The following ETV7 variants were observed in gnomAD, a reference collection of about 807,000 sequenced individuals.
The protein encoded by ETV7 is transcription factor ETV7.
Under a neutral mutation model 39.1 loss-of-function variants are expected in ETV7, and 43 were observed. The ratio of observed to expected loss-of-function variants is 1.10; its 90% CI spans 0.86 to 1.42. ETV7 has a LOEUF of 1.42. ETV7 is among the 40% of genes most tolerant of loss of function. The pLI is 0.00. For synonymous variants in ETV7, 196 were observed against 176.6 expected, an observed-to-expected ratio of 1.11 and a Z score of -0.87; for missense variants, 432 against 442.3, an observed-to-expected ratio of 0.98 and a Z score of 0.21.
Position 36,376,023 on chromosome 6 carries a change from G to A in ETV7, c.155C>T (p.Ala52Val), listed in dbSNP as rs1274558998. The change falls in exon 3 of 8, where the codon GCA becomes GTA. Residue 52 changes from alanine (A) to valine (V), a missense_variant. Physicochemically the swap from Ala to Val is moderately conservative, Grantham distance 64 (BLOSUM62 0). Coordinates refer to ENST00000340181, the MANE Select transcript of ETV7 (RefSeq NM_016135.4). The stretch of plus-strand genomic sequence containing the variant: ...CAGCACGTCCTCCCTGCTCCACAGT[G>A]CGGGCTGGATGCCTGCAACCAGCAA... Reference protein sequence around the residue: ...KLPGRLRIQPALWSREDVLHW... With the variant: ...KLPGRLRIQPVLWSREDVLHW... The A allele has an allele frequency of 2.5e-6, 4 of 1,602,226 alleles. No individual in the cohort carries two copies. The highest frequency in any genetic ancestry group is 1.7e-6 in the Non-Finnish European group (2 of 1,177,192).
intron 7 of ETV7, among the ~76,000 whole-genome samples, chr6:36,360,350 G>A (rs1262859941): frequency 6.6e-6 from 1 of 152,180 alleles, no homozygotes; most frequent in African/African-American, 2.4e-5. Flanking sequence ...GAGATAAGAA[G>A]TTATTCCCAA....
chr6:36,360,952 A>C (rs775266978), intron 7 of ETV7, among the ~76,000 whole-genome samples: 1 of 152,116 alleles, frequency 6.6e-6, no homozygotes, highest in Non-Finnish European at 1.5e-5. Flanking sequence ...TTCTCACGTC[A>C]TCTCTCCCTG....
At position 36,375,990 on chromosome 6, in the gene ETV7, A is replaced by T; in HGVS notation, c.188T>A (p.Leu63Gln). The change falls in exon 3 of 8, where the codon CTG (leucine) becomes CAG (glutamine). Residue 63 changes from leucine (L) to glutamine (Q), a missense_variant. Coordinates refer to ENST00000340181, the MANE Select transcript of ETV7 (RefSeq NM_016135.4). The part of the protein sequence containing the change: ...LWSREDVLHW[L>Q]RWAEQEYSLP... ...AGAGTACTCCTGCTCTGCCCAGCGC[A>T]GCCAGTGCAGCACGTCCTCCCTGCT... The T allele has an allele frequency of 6.2e-7, 1 of 1,610,928 alleles. No homozygotes were observed. The highest frequency in any genetic ancestry group is 1.7e-4 in the Middle Eastern group (1 of 6,058).
intron 2 of ETV7, among the ~76,000 whole-genome samples, chr6:36,377,249 C>G (rs1011605809): frequency 1.3e-5 from 2 of 152,036 alleles, no homozygotes; most frequent in Admixed American, 1.3e-4. Context: ...TCACTTGAGC[C>G]CAGGAGTTTG....
At chr6:36,380,805 T>G (rs565927573) in intron 2 of ETV7, among the ~76,000 whole-genome samples, 1 of 152,158 alleles carries the variant, frequency 6.6e-6, no homozygotes, top group South Asian at 2.1e-4. Context: ...CTTAAATAAG[T>G]GAGTTGAGCA....
intron 5 of ETV7, among the ~76,000 whole-genome samples, chr6:36,370,011 G>C (rs1030039013): frequency 1.3e-5 from 2 of 152,168 alleles, no homozygotes; most frequent in African/African-American, 4.8e-5. Flanking sequence ...CATGCATAGA[G>C]TGTGTAACGA....
At chr6:36,384,542 G>T (rs1259145657) in intron 2 of ETV7, among the ~76,000 whole-genome samples, 1 of 152,106 alleles carries the variant, frequency 6.6e-6, no homozygotes, top group Admixed American at 6.5e-5. Flanking sequence ...GAGAGTTGTG[G>T]GTCTTGTGTT....
In ETV7 at chr6:36,385,533, C is replaced by T. The variant is rs140975477; in HGVS notation, c.142+1G>A. On this transcript the variant is annotated splice_donor_variant, in intron 2 of 7. Transcript: ENST00000340181. LOFTEE classifies it high-confidence loss of function. ...CAGCTTTTCTCCTCCCCTCTACTTACGGAGTCTTCCTGGCAGCTTGCAGAT... is the reference window on the plus strand; with the variant it reads ...CAGCTTTTCTCCTCCCCTCTACTTATGGAGTCTTCCTGGCAGCTTGCAGAT... 28 of 1,614,088 alleles carry T rather than the reference C, an allele frequency of 1.7e-5. No individual in the cohort carries two copies. Among genetic ancestry groups the T allele is most frequent in the African/African-American group, 9.3e-5 (7 of 74,922 alleles).
In ETV7 at chr6:36,371,533, GT is replaced by G; in HGVS notation, c.460del (p.Thr154ProfsTer119). 1.9e-6 allele frequency: 3 copies of G among 1,600,380 alleles called. No homozygotes were observed. The highest frequency in any genetic ancestry group is 2.6e-6 in the Non-Finnish European group (3 of 1,174,692). On this transcript the variant is annotated frameshift_variant, in exon 5 of 8. Coordinates refer to ENST00000340181, the MANE Select transcript of ETV7 (RefSeq NM_016135.4). LOFTEE classifies it high-confidence loss of function. The stretch of plus-strand genomic sequence containing the variant: ...TGGCTGCAGCAGGTGGCCCCTTCGG[GT>G]GTCCATCTGAGAGGGGCCAGTCACC... ...EEVTGPSQMD[T>X]RRGHLLQPPD...
intron 7 of ETV7, among the ~76,000 whole-genome samples, chr6:36,358,998 C>A (rs1194877417): frequency 1.3e-5 from 2 of 152,174 alleles, no homozygotes; most frequent in Admixed American, 6.5e-5. Context: ...ATGGCTCCCC[C>A]AAAGGAAGAG....
rs1772750128 is a variant in ETV7, at chr6:36,366,867, CCACT to C, written c.908+4_908+7del. The C allele has an allele frequency of 6.2e-7, 1 of 1,613,832 alleles. No homozygotes were observed. ...TTCCCCTTTCACCACATCCCCTAGGCCACTCACCTGAACAGGAGTTTCTGCCCCG... is the reference window on the plus strand; with the variant it reads ...TTCCCCTTTCACCACATCCCCTAGGCCACCTGAACAGGAGTTTCTGCCCCG... On this transcript the variant is annotated splice_donor_5th_base_variant and intron_variant, in intron 7 of 7. Coordinates refer to ENST00000340181, the MANE Select transcript of ETV7 (RefSeq NM_016135.4).
intron 7 of ETV7, among the ~76,000 whole-genome samples, chr6:36,360,098 G>A (rs1464793573): frequency 1.3e-5 from 2 of 152,096 alleles, no homozygotes; most frequent in Non-Finnish European, 2.9e-5. Flanking sequence ...TCACCATGTT[G>A]GCCAGGATGG....
At chr6:36,376,459 T>C (rs1773353442) in intron 2 of ETV7, among the ~76,000 whole-genome samples, 1 of 152,126 alleles carries the variant, frequency 6.6e-6, no homozygotes, top group Admixed American at 6.5e-5. Context: ...GAGTGAGTAC[T>C]TGAATGACTG....
chr6:36,372,500 A>G (rs1393135029), intron 4 of ETV7, among the ~76,000 whole-genome samples: 1 of 151,814 alleles, frequency 6.6e-6, no homozygotes, highest in Non-Finnish European at 1.5e-5. Flanking sequence ...AGAAGCAAGG[A>G]GACCAGTGAG....
At chr6:36,385,415 T>G in intron 2 of ETV7, 119 bp downstream of exon 2, 224 of 1,241,526 alleles carry the variant, frequency 1.8e-4, no homozygotes, top group Non-Finnish European at 2.4e-4. Context: ...GAAGGTGCAG[T>G]GAGCTATGAT....
At chr6:36,382,488 A>G (rs1288159493) in intron 2 of ETV7, among the ~76,000 whole-genome samples, 2 of 152,204 alleles carry the variant, frequency 1.3e-5, no homozygotes, top group East Asian at 3.8e-4. Flanking sequence ...CTGCATTTCA[A>G]CACGGTTCCC....
chr6:36,354,262 T>G (rs1772284317), exon 8 of ETV7: 1 of 153,674 alleles, frequency 6.5e-6, no homozygotes, highest in African/African-American at 2.4e-5. Context: ...TTAATTTTGA[T>G]GGAGTTCAAT....
downstream of ETV7, among the ~76,000 whole-genome samples, chr6:36,362,586 G>C (rs372694436): frequency 6.6e-6 from 1 of 152,220 alleles, no homozygotes; most frequent in East Asian, 1.9e-4. Context: ...GTACAGAGCA[G>C]GTACTCAATT....
chr6:36,371,317 G>T lies in ETV7; in HGVS notation c.664+13C>A. On this transcript the variant is annotated intron_variant, in intron 5 of 7. Transcript: ENST00000340181. ...TGCACCTTCCATGGCCAGAGGAACAGCCTCCCACTCACCAGCGATCCTGCC... is the reference window on the plus strand; with the variant it reads ...TGCACCTTCCATGGCCAGAGGAACATCCTCCCACTCACCAGCGATCCTGCC... The T allele has an allele frequency of 6.4e-7, 1 of 1,568,920 alleles. No individual in the cohort carries two copies. The highest frequency in any genetic ancestry group is 8.7e-7 in the Non-Finnish European group (1 of 1,156,002).
Sources: gnomAD v4.1 joint callset for allele counts (sites outside exome capture counted in the v4.1 genomes callset) on GRCh38, gnomAD v4.1.1 for gene constraint, MANE v1.5 for transcripts, NCBI Gene and HGNC (gene_info 2026-07-23, HGNC 2026-07-21) for gene names.